Variants in EIF2AK2 observed in about 807,000 individuals in gnomAD.
EIF2AK2 encodes interferon-induced, double-stranded RNA-activated protein kinase.
Under a neutral mutation model 70.5 loss-of-function variants are expected in EIF2AK2, and 40 were observed. The ratio of observed to expected loss-of-function variants is 0.57; its 90% CI spans 0.44 to 0.74. The LOEUF (loss-of-function observed/expected upper bound fraction) is 0.74, where lower values mean the gene tolerates loss of function less well. EIF2AK2 is among the 30% of genes least tolerant of loss of function. The pLI, the probability that EIF2AK2 is intolerant of heterozygous loss-of-function variation, is 0.00. For missense variants in EIF2AK2, 555 were observed against 644.3 expected, an observed-to-expected ratio of 0.86 and a Z score of 1.50; for synonymous variants, 198 against 220.9, an observed-to-expected ratio of 0.90 and a Z score of 0.92.
Position 37,100,147 on chromosome 2 carries a change from T to G in EIF2AK2, c.*7126A>C, listed in dbSNP as rs1572989678. On this transcript the variant is annotated 3_prime_UTR_variant, in exon 17 of 17. Transcript: ENST00000233057. ...AATAAAGCAGTTATTAAAAAAAAAATGAAGAGAATTTCAGATAGAAACCAC... is the reference window on the plus strand; with the variant it reads ...AATAAAGCAGTTATTAAAAAAAAAAGGAAGAGAATTTCAGATAGAAACCAC... The G allele has an allele frequency of 6.6e-6, 1 of 151,050 alleles. No individual in the cohort carries two copies. Among genetic ancestry groups the G allele is most frequent in the Non-Finnish European group, 1.5e-5 (1 of 67,796 alleles). The allele number at this position is 151,050 out of a possible 1,614,324, so 9.4% of individuals were successfully genotyped here.
intron 13 of EIF2AK2, chr2:37,115,222 T>TTG (rs1471087728): frequency 1.2e-3 from 223 of 190,446 alleles, no homozygotes; most frequent in South Asian, 2.8e-3. Flanking sequence ...TAGTTTTTTT[T>TTG]TTTTTTTTTT....
At chr2:37,110,956 A>G (rs1674121626) in intron 14 of EIF2AK2, among the ~76,000 whole-genome samples, 1 of 152,264 alleles carries the variant, frequency 6.6e-6, no homozygotes, top group Non-Finnish European at 1.5e-5. Flanking sequence ...TATACATACA[A>G]TGGAATTCAT....
At chr2:37,128,695 G>C (rs1481430957) in intron 10 of EIF2AK2, among the ~76,000 whole-genome samples, 2 of 152,084 alleles carry the variant, frequency 1.3e-5, no homozygotes, top group Non-Finnish European at 2.9e-5. Flanking sequence ...TACCATCTTG[G>C]ACAAGCACCA....
At chr2:37,133,230 C>G (rs185497846) in intron 10 of EIF2AK2, among the ~76,000 whole-genome samples, 1 of 152,170 alleles carries the variant, frequency 6.6e-6, no homozygotes, top group Non-Finnish European at 1.5e-5. Flanking sequence ...GGCACTCTCA[C>G]GTAAACCTTT....
At chr2:37,125,485 C>T (rs547007370) in intron 11 of EIF2AK2, among the ~76,000 whole-genome samples, 68 of 152,348 alleles carry the variant, frequency 4.5e-4, no homozygotes, top group African/African-American at 1.6e-3. Context: ...GCCACTCACT[C>T]CTGATCTTTT....
chr2:37,122,681 G>C lies in EIF2AK2; in HGVS notation c.909-17C>G. 2 of 1,614,072 alleles carry C rather than the reference G, an allele frequency of 1.2e-6. No homozygotes were observed. The highest frequency in any genetic ancestry group is 8.5e-7 in the Non-Finnish European group (1 of 1,180,002). On this transcript the variant is annotated splice_polypyrimidine_tract_variant and intron_variant, in intron 11 of 16. Transcript: ENST00000233057. Reference sequence around the variant, plus strand: ...TCCGCCTTCCTAGTTAAAAGGAACAGGGAACATGGCAGTGTCAGTGTACAT... The same window carrying C: ...TCCGCCTTCCTAGTTAAAAGGAACACGGAACATGGCAGTGTCAGTGTACAT...
chr2:37,124,740 T>G (rs1057380190), intron 11 of EIF2AK2, among the ~76,000 whole-genome samples: 18 of 152,046 alleles, frequency 1.2e-4, no homozygotes, highest in Non-Finnish European at 2.1e-4. Flanking sequence ...TCTTTTTTTT[T>G]TTTTGGAGAT....
chr2:37,124,539 G>A (rs1397904192), intron 11 of EIF2AK2, among the ~76,000 whole-genome samples: 4 of 151,952 alleles, frequency 2.6e-5, no homozygotes, highest in African/African-American at 4.8e-5. Flanking sequence ...GATTACAGGC[G>A]TGAGCCACCA....
intron 9 of EIF2AK2, among the ~76,000 whole-genome samples, 190 bp from the exon 10 acceptor site, chr2:37,135,736 T>A (rs1057028092): frequency 1.3e-5 from 2 of 152,114 alleles, no homozygotes; most frequent in Admixed American, 6.5e-5. Context: ...TCAGAGGAGA[T>A]CCTCCCACCT....
intron 12 of EIF2AK2, 88 bp downstream of exon 12, chr2:37,122,418 G>A (rs757111492): frequency 2.4e-5 from 32 of 1,352,344 alleles, no homozygotes; most frequent in African/African-American, 2.9e-5. Flanking sequence ...TAATCGTGAT[G>A]ATTAATAGCC....
intron 12 of EIF2AK2, 35 bp downstream of exon 12, chr2:37,122,471 T>A (rs751634605): frequency 6.2e-7 from 1 of 1,603,658 alleles, no homozygotes; most frequent in Non-Finnish European, 8.5e-7. Flanking sequence ...TTTCCTTCCA[T>A]CCTATTATGG....
At chr2:37,114,519 G>T (rs149056100) in intron 14 of EIF2AK2, among the ~76,000 whole-genome samples, 23 of 152,114 alleles carry the variant, frequency 1.5e-4, no homozygotes, top group African/African-American at 5.1e-4. Context: ...AAATCTGGGT[G>T]TATATTTGTG....
intron 1 of EIF2AK2, among the ~76,000 whole-genome samples, chr2:37,155,551 G>C (rs377033091): frequency 8.5e-5 from 13 of 152,236 alleles, no homozygotes; most frequent in East Asian, 3.9e-4. Context: ...ACTCCACCTT[G>C]CCCAACCTTC....
rs749676180 is a variant in EIF2AK2 at position 37,122,657 on chromosome 2, C to T, written c.916G>A (p.Glu306Lys). The T allele has an allele frequency of 6.2e-7, 1 of 1,614,160 alleles. No homozygotes were observed. Among genetic ancestry groups the T allele is most frequent in the East Asian group, 2.2e-5 (1 of 44,884 alleles). Residue 306 changes from glutamate (E) to lysine (K), a missense_variant, in exon 12 of 17, where the codon GAG (glutamate) becomes AAG (lysine). Around this residue, in one of 3 missense-constraint regions of EIF2AK2, gnomAD observed 299 missense variants for 375.4 expected, o/e 0.80. Transcript: ENST00000233057. ...TTTGCCAATGCTTTTACTTCACGCT[C>T]CGCCTTCCTAGTTAAAAGGAACAGG... ...KRVKYNNEKA[E>K]REVKALAKLD...
intron 13 of EIF2AK2, among the ~76,000 whole-genome samples, chr2:37,116,526 C>T (rs1674347051): frequency 6.6e-6 from 1 of 152,196 alleles, no homozygotes; most frequent in African/African-American, 2.4e-5. Context: ...ATGAGAGGGC[C>T]TACCTAGTAA....
intron 11 of EIF2AK2, among the ~76,000 whole-genome samples, chr2:37,123,153 G>A (rs1674614598): frequency 2.0e-5 from 3 of 152,080 alleles, no homozygotes; most frequent in South Asian, 2.1e-4. Flanking sequence ...GGGCAAAAGA[G>A]CAAGACTCTG....
At chr2:37,108,065 G>C (rs1024501639) in intron 15 of EIF2AK2, among the ~76,000 whole-genome samples, 2 of 151,172 alleles carry the variant, frequency 1.3e-5, no homozygotes, top group Non-Finnish European at 2.9e-5. Context: ...AGAATTGCTT[G>C]AACCTGGGAG....
chr2:37,146,514 A>C (rs1484648126), intron 4 of EIF2AK2, among the ~76,000 whole-genome samples: 1 of 152,022 alleles, frequency 6.6e-6, no homozygotes, highest in Non-Finnish European at 1.5e-5. Flanking sequence ...TTCCTTTTTT[A>C]CTGTACTTCC....
At chr2:37,118,127 G>T (rs150210829) in intron 13 of EIF2AK2, among the ~76,000 whole-genome samples, 3 of 151,602 alleles carry the variant, frequency 2.0e-5, no homozygotes, top group Non-Finnish European at 4.4e-5. Flanking sequence ...TCGGAAACAT[G>T]GTGAGACCCT....
Sources: gnomAD v4.1 joint callset for allele counts (sites outside exome capture counted in the v4.1 genomes callset) on GRCh38, gnomAD v4.1.1 for gene constraint, gnomAD v4.1.1 regional missense constraint, MANE v1.5 for transcripts, NCBI Gene and HGNC (gene_info 2026-07-23, HGNC 2026-07-21) for gene names.